SYNPR: variants seen among roughly 807,000 people sequenced by gnomAD.
SYNPR encodes synaptoporin.
A neutral mutation model predicts 32.9 loss-of-function variants in SYNPR; 23 were observed. The observed-to-expected ratio is 0.70, with a 90% CI of 0.50 to 0.99. The LOEUF is 0.99. Among genes scored for constraint, SYNPR ranks in the 50% least tolerant of loss-of-function variants. SYNPR has a pLI of 0.00. For synonymous variants in SYNPR, 146 were observed against 135.9 expected, an observed-to-expected ratio of 1.07 and a Z score of -0.52; for missense variants, 318 against 349.3, an observed-to-expected ratio of 0.91 and a Z score of 0.71.
At chr3:63,421,224 C>A (rs1405783406) in intron 2 of SYNPR, among the ~76,000 whole-genome samples, 1 of 152,016 alleles carries the variant, frequency 6.6e-6, no homozygotes, top group Admixed American at 6.6e-5. Flanking sequence ...AGGTAGATAA[C>A]ACAATATGAA....
At chr3:63,343,378 A>G (rs867609649) in intron 2 of SYNPR, among the ~76,000 whole-genome samples, 1 of 152,244 alleles carries the variant, frequency 6.6e-6, no homozygotes, top group Middle Eastern at 3.4e-3. Context: ...TGAAGATAAC[A>G]TTATGAAGTC....
chr3:63,547,612 G>C (rs13315607), intron 3 of SYNPR, among the ~76,000 whole-genome samples: 11,119 of 152,182 alleles, frequency 0.073, 1,260 homozygotes, highest in African/African-American at 0.24. Flanking sequence ...CATCCTATGA[G>C]AACTGTCCTA....
chr3:63,542,809 A>G (rs1702331098), intron 3 of SYNPR, among the ~76,000 whole-genome samples: 1 of 152,142 alleles, frequency 6.6e-6, no homozygotes, highest in Non-Finnish European at 1.5e-5. Flanking sequence ...ATACCTGCTA[A>G]GTGAAAAGAA....
intron 4 of SYNPR, among the ~76,000 whole-genome samples, chr3:63,573,306 C>T (rs1702920760): frequency 6.6e-6 from 1 of 152,108 alleles, no homozygotes; most frequent in African/African-American, 2.4e-5. Flanking sequence ...AGAATTAGCT[C>T]AAACTGAGCA....
chr3:63,254,425 A>G lies in SYNPR; in HGVS notation n.154+1839A>G, dbSNP rs1221731344. The stretch of plus-strand genomic sequence containing the variant: ...TGAGATCAATTTAGTAGTTGCAACC[A>G]ACATTAAAAAATTAGAAGAGAAAAT... On this transcript the variant is annotated intron_variant and non_coding_transcript_variant, in intron 2 of 4. Transcript: ENST00000478456. Among the ~76,000 whole-genome samples the G allele has an allele frequency of 2.6e-5, 4 of 152,222 alleles. No individual in the cohort carries two copies. In the South Asian group the frequency reaches 6.2e-4, roughly 24 times the overall value.
rs6769822 is a variant in SYNPR at position 63,525,473 on chromosome 3, T to A, written c.210-31070T>A. ...AAGAACAAATGCTTTAGAAAAAGGA[T>A]GCAAGAGAAGTCACCTTCCCTGACC... On this transcript the variant is annotated intron_variant, in intron 3 of 5. Coordinates refer to ENST00000478300, the MANE Select transcript of SYNPR (RefSeq NM_001130003.2). 9.1e-3 allele frequency among the ~76,000 whole-genome samples: 1,385 copies of A among 152,280 alleles called. 18 individuals carry two copies. Among genetic ancestry groups the A allele is most frequent in the African/African-American group, 0.032 (1,320 of 41,572 alleles).
chr3:63,264,927 G>GGT (rs369024899), intron 2 of SYNPR, among the ~76,000 whole-genome samples: 34 of 12,960 alleles, frequency 2.6e-3, no homozygotes, highest in Middle Eastern at 0.12. Context: ...TCAGAATCAT[G>GGT]GGGGAGCCAT....
chr3:63,552,865 T>C (rs1217107649), intron 3 of SYNPR, among the ~76,000 whole-genome samples: 1 of 152,222 alleles, frequency 6.6e-6, no homozygotes, highest in African/African-American at 2.4e-5. Flanking sequence ...TAAGCCTTAG[T>C]TTCTGGCCCA....
At chr3:63,477,452 G>A (rs1452558306) in intron 2 of SYNPR, among the ~76,000 whole-genome samples, 1 of 152,206 alleles carries the variant, frequency 6.6e-6, no homozygotes, top group Non-Finnish European at 1.5e-5. Context: ...TCAGGTTCCT[G>A]CCCCAGCTGA....
rs1259265945 is a variant in SYNPR, at chr3:63,595,739, ATAT to A, written c.409-13385_409-13383del. ...ATTTTATATATATATATATATATAT[ATAT>A]ATATATATATATATATATATATATA... On this transcript the variant is annotated intron_variant, in intron 4 of 5. Coordinates refer to ENST00000478300, the MANE Select transcript of SYNPR (RefSeq NM_001130003.2). 3.2e-4 allele frequency among the ~76,000 whole-genome samples: 14 copies of A among 44,076 alleles called. 1 individual carries two copies. The highest frequency in any genetic ancestry group is 8.1e-4 in the East Asian group (1 of 1,242). 28.9% of individuals were successfully genotyped at this position (44,076 alleles called of 152,430 possible).
At position 63,420,225 on chromosome 3, in the gene SYNPR, A is replaced by G. The variant is rs1308001027; in HGVS notation, c.85-60607A>G. On this transcript the variant is annotated intron_variant, in intron 2 of 5. Coordinates refer to ENST00000478300, the MANE Select transcript of SYNPR (RefSeq NM_001130003.2). ...AGGTATCCTGGTAAATTTATTTTCA[A>G]CTTAATCTAAAGGCATAAAATACAG... 3.9e-5 allele frequency among the ~76,000 whole-genome samples: 6 copies of G among 152,188 alleles called. 1 individual carries two copies. Among genetic ancestry groups the G allele is most frequent in the South Asian group, 4.1e-4 (2 of 4,834 alleles).
intron 2 of SYNPR, among the ~76,000 whole-genome samples, chr3:63,434,460 A>C (rs745995191): frequency 5.3e-5 from 8 of 152,222 alleles, no homozygotes; most frequent in Non-Finnish European, 1.0e-4. Context: ...TCAGTTGGCT[A>C]TGACACCCCC....
At chr3:63,537,315 G>A (rs546277435) in intron 3 of SYNPR, among the ~76,000 whole-genome samples, 87 of 151,930 alleles carry the variant, frequency 5.7e-4, no homozygotes, top group African/African-American at 1.7e-3. Context: ...AACCCCTTTC[G>A]TGCCCTGCAA....
upstream of SYNPR, among the ~76,000 whole-genome samples, chr3:63,273,589 A>T (rs7653341): frequency 6.6e-6 from 1 of 152,036 alleles, no homozygotes; most frequent in Non-Finnish European, 1.5e-5. Flanking sequence ...CAAGCCTAAC[A>T]TAACTTACAA....
At chr3:63,533,578 T>C (rs1234843448) in intron 3 of SYNPR, among the ~76,000 whole-genome samples, 1 of 152,112 alleles carries the variant, frequency 6.6e-6, no homozygotes, top group Non-Finnish European at 1.5e-5. Context: ...ATTGTAAACA[T>C]GTGAAGACAT....
chr3:63,616,160 G>A lies in SYNPR; in HGVS notation c.*679G>A, dbSNP rs1466456707. The stretch of plus-strand genomic sequence containing the variant: ...AATTTGTCTCTCTGGCTTTACCCAA[G>A]TTCTGAATGCATTGTAATTAAAATT... On this transcript the variant is annotated 3_prime_UTR_variant, in exon 6 of 6. Coordinates refer to ENST00000478300, the MANE Select transcript of SYNPR (RefSeq NM_001130003.2). The A allele has an allele frequency of 6.6e-6, 1 of 152,132 alleles. No homozygotes were observed. The highest frequency in any genetic ancestry group is 1.5e-5 in the Non-Finnish European group (1 of 68,022). 9.4% of individuals were successfully genotyped at this position (152,132 alleles called of 1,614,324 possible). A position where few individuals can be genotyped will look rare whatever the true frequency, so the allele number is the denominator to read the frequency against.
the SYNPR span, among the ~76,000 whole-genome samples, chr3:63,211,753 C>T: frequency 6.8e-6 from 1 of 146,822 alleles, no homozygotes; most frequent in South Asian, 2.2e-4. Flanking sequence ...TACATGTGCA[C>T]ATTGTGCAGG....
At chr3:63,556,894 A>G (rs1702604686) in intron 4 of SYNPR, among the ~76,000 whole-genome samples, 153 bp downstream of exon 4, 1 of 152,182 alleles carries the variant, frequency 6.6e-6, no homozygotes, top group South Asian at 2.1e-4. Flanking sequence ...GCCACAACAA[A>G]AACTGATGTC....
intron 3 of SYNPR, among the ~76,000 whole-genome samples, chr3:63,271,887 T>G (rs1331868349): frequency 6.6e-6 from 1 of 152,098 alleles, no homozygotes; most frequent in Non-Finnish European, 1.5e-5. Flanking sequence ...CAAAAGAATG[T>G]TTTGAATGAC....
Sources: gnomAD v4.1 joint callset for allele counts (sites outside exome capture counted in the v4.1 genomes callset) on GRCh38, gnomAD v4.1.1 for gene constraint, MANE v1.5 for transcripts, NCBI Gene and HGNC (gene_info 2026-07-23, HGNC 2026-07-21) for gene names.